GPR35: variants seen among roughly 807,000 people sequenced by gnomAD.
The protein encoded by GPR35 is KYNA receptor.
For missense variants in GPR35, 372 were observed against 422.5 expected (o/e 0.88, Z 1.05); for synonymous variants, 207 against 198.4 (o/e 1.04, Z -0.36).
upstream of GPR35, among the ~76,000 whole-genome samples, chr2:240,623,353 A>G: frequency 7.2e-6 from 1 of 138,608 alleles, no homozygotes; most frequent in Non-Finnish European, 1.6e-5. Flanking sequence ...GAGGGCGCAA[A>G]CAGGTCGTGA....
chr2:240,622,532 A>C (rs1468314325), upstream of GPR35, among the ~76,000 whole-genome samples: 1 of 152,242 alleles, frequency 6.6e-6, no homozygotes, highest in Non-Finnish European at 1.5e-5. Context: ...CTGATGAGCA[A>C]AAAAAGGTCT....
exon 4 of GPR35, chr2:240,617,283 G>T (rs977989644): frequency 2.8e-6 from 2 of 711,798 alleles, no homozygotes; most frequent in Non-Finnish European, 5.2e-6. Context: ...CACCTGGATT[G>T]CAGACTCATG....
In GPR35 at chr2:240,631,121, G is replaced by A. The variant is rs912831925; in HGVS notation, c.*239G>A. 7.0e-6 allele frequency: 4 copies of A among 568,112 alleles called. No individual in the cohort carries two copies. In the Admixed American group the frequency reaches 1.3e-4, roughly 18 times the overall value. The allele number at this position is 568,112 out of a possible 1,614,324, so 35.2% of individuals were successfully genotyped here. A position where few individuals can be genotyped will look rare whatever the true frequency, so the allele number is the denominator to read the frequency against. On this transcript the variant is annotated 3_prime_UTR_variant, in exon 2 of 2. Transcript: ENST00000407714. ...CAAGGCCAATGTCAGAGACCCCCGG[G>A]ATGGGGCCTCACACTTGCCACCCCC...
chr2:240,610,370 C>T (rs1461948207), intron 2 of GPR35, among the ~76,000 whole-genome samples: 1 of 152,120 alleles, frequency 6.6e-6, no homozygotes, highest in East Asian at 1.9e-4. Flanking sequence ...ATAAATTTTT[C>T]CATTCTTTTA....
chr2:240,613,815 C>G (rs1420816396), intron 2 of GPR35, among the ~76,000 whole-genome samples: 1 of 150,306 alleles, frequency 6.7e-6, no homozygotes, highest in Non-Finnish European at 1.5e-5. Context: ...TTAACCCTAA[C>G]CATAACACTA....
At chr2:240,616,449 A>C in exon 3 of GPR35, 1 of 780,562 alleles carries the variant, frequency 1.3e-6, no homozygotes, top group South Asian at 1.3e-5. Flanking sequence ...GTATGGCTGG[A>C]GTTCCCATGC....
intron 5 of GPR35, among the ~76,000 whole-genome samples, chr2:240,619,650 C>T (rs1220865196): frequency 6.6e-6 from 1 of 152,230 alleles, no homozygotes; most frequent in African/African-American, 2.4e-5. Flanking sequence ...CCTTGTCCAG[C>T]CACTGGGTGT....
chr2:240,621,514 A>G (rs1046969639), upstream of GPR35, among the ~76,000 whole-genome samples: 2 of 152,182 alleles, frequency 1.3e-5, no homozygotes, highest in Non-Finnish European at 2.9e-5. Context: ...CGGCCTCTCA[A>G]AGTGCTGGGA....
chr2:240,618,844 C>A (rs1403294773), intron 4 of GPR35: 2 of 607,260 alleles, frequency 3.3e-6, no homozygotes, highest in Non-Finnish European at 5.9e-6. Flanking sequence ...CTGGAGATGA[C>A]CATATGACAG....
In GPR35 at chr2:240,629,985, C is replaced by T. The variant is rs548753085; in HGVS notation, c.33C>T (p.Ser11=). Residue 11 remains serine, a synonymous_variant, in exon 2 of 2, where the codon AGC becomes AGT. Transcript: ENST00000407714. ...GCACCTACAACACCTGTGGCTCCAG[C>T]GACCTCACCTGGCCCCCAGCGATCA... MNGTYNTCGS[S]DLTWPPAIKL... is the part of the protein sequence containing the mutation. 13 of 1,608,596 alleles carry T rather than the reference C, an allele frequency of 8.1e-6. No homozygotes were observed. The highest frequency in any genetic ancestry group is 5.3e-5 in the African/African-American group (4 of 74,990).
At chr2:240,614,976 CTATG>C (rs1329318596) in intron 2 of GPR35, among the ~76,000 whole-genome samples, 5 of 151,856 alleles carry the variant, frequency 3.3e-5, no homozygotes, top group East Asian at 3.9e-4. Flanking sequence ...GTATATGTAT[CTATG>C]TGTGTTTATA....
intron 1 of GPR35, among the ~76,000 whole-genome samples, chr2:240,626,378 G>C (rs570918466): frequency 6.7e-6 from 1 of 149,734 alleles, no homozygotes; most frequent in South Asian, 2.1e-4. Context: ...GTGGGGTGAG[G>C]CTCTGATGGG....
chr2:240,626,066 G>GT (rs1381321333), intron 1 of GPR35, among the ~76,000 whole-genome samples: 5 of 30,154 alleles, frequency 1.7e-4, no homozygotes, highest in Admixed American at 3.5e-4. Context: ...TGTGATGGGG[G>GT]TCTCAGAGTG....
intron 4 of GPR35, chr2:240,617,506 T>A (rs2043251455): frequency 2.3e-6 from 1 of 435,690 alleles, no homozygotes; most frequent in South Asian, 3.0e-5. Context: ...AGTGATATTC[T>A]ACTTCTGTCT....
Position 240,630,306 on chromosome 2 carries a change from G to A in GPR35, c.354G>A (p.Val118=). ...TAIAVDRYVA[V]RHPLRARGLR... ...TCGCCGTGGACCGCTATGTGGCCGTGCGGCACCCGCTGCGTGCCCGCGGGC... is the reference window on the plus strand; with the variant it reads ...TCGCCGTGGACCGCTATGTGGCCGTACGGCACCCGCTGCGTGCCCGCGGGC... Residue 118 remains valine, a synonymous_variant, in exon 2 of 2, where the codon GTG becomes GTA. Coordinates refer to ENST00000407714, the MANE Select transcript of GPR35 (RefSeq NM_005301.5). 6.3e-7 allele frequency: 1 copy of A among 1,581,628 alleles called. No individual in the cohort carries two copies. The highest frequency in any genetic ancestry group is 8.6e-7 in the Non-Finnish European group (1 of 1,169,220).
Position 240,630,386 on chromosome 2 carries a change from T to C in GPR35, c.434T>C (p.Ile145Thr). 6.2e-7 allele frequency: 1 copy of C among 1,611,012 alleles called. No individual in the cohort carries two copies. Among genetic ancestry groups the C allele is most frequent in the Non-Finnish European group, 8.5e-7 (1 of 1,179,878 alleles). Reference protein sequence around the residue: ...AVCAVLWVLVIGSLVARWLLG... With the variant: ...AVCAVLWVLVTGSLVARWLLG... Reference sequence around the variant, plus strand: ...TGCGCGGTCCTCTGGGTGCTGGTCATCGGCTCCCTGGTGGCTCGCTGGCTC... The same window carrying C: ...TGCGCGGTCCTCTGGGTGCTGGTCACCGGCTCCCTGGTGGCTCGCTGGCTC... The change falls in exon 2 of 2, where the codon ATC becomes ACC. Residue 145 changes from isoleucine to threonine, a missense_variant. Ile to Thr is a moderately conservative substitution (Grantham distance 89, BLOSUM62 -1). Transcript: ENST00000407714.
chr2:240,624,125 T>C (rs2043341131), upstream of GPR35, among the ~76,000 whole-genome samples: 1 of 152,170 alleles, frequency 6.6e-6, no homozygotes, highest in Non-Finnish European at 1.5e-5. Flanking sequence ...TGCCGTGCCC[T>C]GCACCTCCAG....
upstream of GPR35, among the ~76,000 whole-genome samples, chr2:240,625,072 T>C (rs1197078347): frequency 1.3e-5 from 2 of 152,120 alleles, no homozygotes; most frequent in Non-Finnish European, 1.5e-5. Context: ...GCACCCTGTC[T>C]TGGGGCTGGG....
chr2:240,611,509 T>C (rs2043182305), intron 2 of GPR35, among the ~76,000 whole-genome samples: 2 of 152,216 alleles, frequency 1.3e-5, no homozygotes, highest in Non-Finnish European at 2.9e-5. Context: ...GCAATAGGGT[T>C]TATGATATGC....
Sources: allele counts gnomAD v4.1 joint callset (sites outside exome capture counted in the v4.1 genomes callset), GRCh38; gene constraint gnomAD v4.1.1; transcripts MANE v1.5; gene names NCBI Gene and HGNC (gene_info 2026-07-23, HGNC 2026-07-21).